The following CEP43 variants were observed in gnomAD, a reference collection of about 807,000 sequenced individuals.
CEP43 encodes FGFR1 oncogene partner.
Under a neutral mutation model 52.6 loss-of-function variants are expected in CEP43, and 36 were observed. The observed-to-expected ratio is 0.68, with a 90% confidence interval of 0.52 to 0.90. The LOEUF is 0.90. CEP43 is among the 40% of genes least tolerant of loss of function. CEP43 has a pLI of 0.00. For missense variants in CEP43, 506 were observed against 472.8 expected (o/e 1.07, Z -0.65); for synonymous variants, 192 against 172.4 (o/e 1.11, Z -0.89).
rs1780029747 is a variant in CEP43, at chr6:167,013,570, A to G, written c.579+3A>G. ...GCGGGCAGAAGGCTGGTGACAAGGT[A>G]ACATGCATGAGGGCAGAGGAGAAAA... On this transcript the variant is annotated splice_donor_region_variant and intron_variant, in intron 7 of 12. Coordinates refer to ENST00000366847, the MANE Select transcript of CEP43 (RefSeq NM_007045.4). 11 of 1,613,416 alleles carry G rather than the reference A, an allele frequency of 6.8e-6. No individual in the cohort carries two copies. Among genetic ancestry groups the G allele is most frequent in the Non-Finnish European group, 9.3e-6 (11 of 1,179,408 alleles).
At chr6:167,007,219 A>G (rs1779875088) in intron 5 of CEP43, among the ~76,000 whole-genome samples, 1 of 152,236 alleles carries the variant, frequency 6.6e-6, no homozygotes, top group South Asian at 2.1e-4. Flanking sequence ...GTGTACCTCA[A>G]AATGAGACCC....
Position 167,041,387 on chromosome 6 carries a change from C to G in CEP43, c.*1409C>G. 16 of 1,060,994 alleles carry G rather than the reference C, an allele frequency of 1.5e-5. No individual in the cohort carries two copies. Among genetic ancestry groups the G allele is most frequent in the Non-Finnish European group, 1.8e-5 (16 of 876,512 alleles). The allele number at this position is 1,060,994 out of a possible 1,614,324, so 65.7% of individuals were successfully genotyped here. A position where few individuals can be genotyped will look rare whatever the true frequency, so the allele number is the denominator to read the frequency against. ...AGGACATAAACTGGGCCGGTACAGC[C>G]TGGGAGCCCTGTGTATTTCTGCCCT... On this transcript the variant is annotated 3_prime_UTR_variant, in exon 13 of 13. Coordinates refer to ENST00000366847, the MANE Select transcript of CEP43 (RefSeq NM_007045.4).
In CEP43 at chr6:167,041,830, C is replaced by T. The variant is rs1005493991; in HGVS notation, c.*1852C>T. Reference sequence around the variant, plus strand: ...CAGCACTACATACATCTTTTTTTTGCGGGGGGCGGGGGGGACAGAGTCTCA... The same window carrying T: ...CAGCACTACATACATCTTTTTTTTGTGGGGGGCGGGGGGGACAGAGTCTCA... On this transcript the variant is annotated 3_prime_UTR_variant, in exon 13 of 13. Transcript: ENST00000366847. 5.3e-3 allele frequency: 113 copies of T among 21,382 alleles called. No individual in the cohort carries two copies. Among genetic ancestry groups the T allele is most frequent in the Middle Eastern group, 0.022 (1 of 46 alleles). 1.3% of individuals were successfully genotyped at this position (21,382 alleles called of 1,614,324 possible). A position where few individuals can be genotyped will look rare whatever the true frequency, so the allele number is the denominator to read the frequency against.
At position 167,028,956 on chromosome 6, in the gene CEP43, G is replaced by C. The variant is rs550424755; in HGVS notation, c.988+2341G>C. Among the ~76,000 whole-genome samples the C allele has an allele frequency of 6.6e-5, 10 of 152,332 alleles. No homozygotes were observed. In the South Asian group the frequency reaches 2.1e-3, roughly 32 times the overall value. ...TGCCCAAAAGGAGTGTTTATAGATA[G>C]GTACTTTGCATATTTAAAGCAAGAG... On this transcript the variant is annotated intron_variant, in intron 10 of 12. Coordinates refer to ENST00000366847, the MANE Select transcript of CEP43 (RefSeq NM_007045.4).
chr6:167,001,408 C>T (rs1226146850), intron 2 of CEP43, among the ~76,000 whole-genome samples: 1 of 152,124 alleles, frequency 6.6e-6, no homozygotes, highest in East Asian at 1.9e-4. Context: ...GCTTTTAATA[C>T]CGCTGTGGTT....
At chr6:167,036,068 A>C (rs1184235573) in intron 12 of CEP43, 1 of 985,138 alleles carries the variant, frequency 1.0e-6, no homozygotes, top group East Asian at 1.1e-4. Flanking sequence ...TTCTTCCCTC[A>C]AATTTATGCA....
chr6:167,020,823 C>T (rs540620533), intron 7 of CEP43, among the ~76,000 whole-genome samples: 145 of 148,124 alleles, frequency 9.8e-4, no homozygotes, highest in African/African-American at 3.5e-3. Context: ...GCAGGAGAAT[C>T]GCTTGAATCT....
chr6:167,012,579 A>T (rs1246637004), intron 6 of CEP43, among the ~76,000 whole-genome samples: 1 of 152,202 alleles, frequency 6.6e-6, no homozygotes, highest in African/African-American at 2.4e-5. Flanking sequence ...GACTATTTGG[A>T]AGCTCTTTTT....
chr6:167,036,637 T>C, intron 12 of CEP43: 1 of 985,416 alleles, frequency 1.0e-6, no homozygotes, highest in Non-Finnish European at 1.2e-6. Flanking sequence ...GTATGAAGCT[T>C]GCTATCACAG....
intron 10 of CEP43, among the ~76,000 whole-genome samples, chr6:167,027,231 A>G (rs1212715660): frequency 6.6e-6 from 1 of 152,206 alleles, no homozygotes; most frequent in African/African-American, 2.4e-5. Context: ...ATTCATTCCT[A>G]TGGAAGTAAG....
chr6:167,028,447 T>C, intron 10 of CEP43: 1 of 984,530 alleles, frequency 1.0e-6, no homozygotes, highest in Non-Finnish European at 1.2e-6. Flanking sequence ...GCTGGATGTT[T>C]GTCATTTAGC....
chr6:167,040,232 C>T lies in CEP43; in HGVS notation c.*254C>T. 6.6e-7 allele frequency: 1 copy of T among 1,519,146 alleles called. No individual in the cohort carries two copies. The allele number at this position is 1,519,146 out of a possible 1,614,324, so 94.1% of individuals were successfully genotyped here. A position where few individuals can be genotyped will look rare whatever the true frequency, so the allele number is the denominator to read the frequency against. On this transcript the variant is annotated 3_prime_UTR_variant, in exon 13 of 13. Coordinates refer to ENST00000366847, the MANE Select transcript of CEP43 (RefSeq NM_007045.4). Reference sequence around the variant, plus strand: ...TTTATGGAAATTGATTATCTACACTCAGTTTCATTACAGGGAAGGAACCCA... The same window carrying T: ...TTTATGGAAATTGATTATCTACACTTAGTTTCATTACAGGGAAGGAACCCA...
chr6:167,003,951 T>C, intron 4 of CEP43, 140 bp downstream of exon 4: 1 of 652,044 alleles, frequency 1.5e-6, no homozygotes, highest in Admixed American at 3.0e-5. Context: ...TCTGTTTTTC[T>C]TAAAAGCCAT....
At chr6:167,009,777 A>C (rs1779944861) in intron 5 of CEP43, among the ~76,000 whole-genome samples, 3 of 151,930 alleles carry the variant, frequency 2.0e-5, no homozygotes. Context: ...CGGAGATTGC[A>C]GTGAGCCGAG....
At position 167,051,789 on chromosome 6, in the gene CEP43, T is replaced by G. The variant is rs1304676124; in HGVS notation, c.*11811T>G. On this transcript the variant is annotated 3_prime_UTR_variant, in exon 13 of 13. Coordinates refer to ENST00000366847, the MANE Select transcript of CEP43 (RefSeq NM_007045.4). ...TTAGCATAGCTATTCTTGCTCTTACTGTGGCAATTTGTATGATACCTTTTT... is the reference window on the plus strand; with the variant it reads ...TTAGCATAGCTATTCTTGCTCTTACGGTGGCAATTTGTATGATACCTTTTT... 2 of 152,262 alleles carry G rather than the reference T, an allele frequency of 1.3e-5. No individual in the cohort carries two copies. Among genetic ancestry groups the G allele is most frequent in the East Asian group, 3.8e-4 (2 of 5,200 alleles). 9.4% of individuals were successfully genotyped at this position (152,262 alleles called of 1,614,324 possible).
At chr6:167,021,002 G>A (rs1420583456) in intron 7 of CEP43, among the ~76,000 whole-genome samples, 3 of 151,080 alleles carry the variant, frequency 2.0e-5, no homozygotes, top group Non-Finnish European at 4.4e-5. Flanking sequence ...CTGAGGCAAG[G>A]AGGACTGCTT....
intron 12 of CEP43, 70 bp from the exon 13 acceptor site, chr6:167,039,834 A>G: frequency 6.5e-7 from 1 of 1,549,740 alleles, no homozygotes; most frequent in South Asian, 1.2e-5. Context: ...TGTGGCTTTG[A>G]TTTTTTAAAA....
intron 6 of CEP43, chr6:167,011,508 G>C (rs1779984169): frequency 6.6e-6 from 1 of 152,200 alleles, no homozygotes; most frequent in Non-Finnish European, 1.5e-5. Context: ...TAAGATCCAG[G>C]ATATGTAGGA....
chr6:167,016,431 A>C (rs1042591476), intron 7 of CEP43, among the ~76,000 whole-genome samples: 2 of 152,170 alleles, frequency 1.3e-5, no homozygotes, highest in Non-Finnish European at 2.9e-5. Context: ...TTTTTAAAAA[A>C]TGTTTTCATG....
Sources: gnomAD v4.1 joint callset for allele counts (sites outside exome capture counted in the v4.1 genomes callset) on GRCh38, gnomAD v4.1.1 for gene constraint, MANE v1.5 for transcripts, NCBI Gene and HGNC (gene_info 2026-07-23, HGNC 2026-07-21) for gene names.